The following AIM2 variants were observed in gnomAD, a reference collection of about 807,000 sequenced individuals.
AIM2 encodes interferon-inducible protein AIM2.
A neutral mutation model predicts 27.7 loss-of-function variants in AIM2; 30 were observed. The observed-to-expected ratio is 1.08, with a 90% confidence interval of 0.81 to 1.47. The LOEUF is 1.47. Ranked by LOEUF, AIM2 falls within the 40% of genes most tolerant of loss-of-function variation. AIM2 has a pLI of 0.00. For synonymous variants in AIM2, 141 were observed against 145.3 expected (o/e 0.97, Z 0.21); for missense variants, 358 against 411.3 (o/e 0.87, Z 1.12).
chr1:159,124,265 CT>C (rs1446411060), intron 1 of AIM2, among the ~76,000 whole-genome samples: 1 of 152,142 alleles, frequency 6.6e-6, no homozygotes, highest in Non-Finnish European at 1.5e-5. Flanking sequence ...CCTTGGCAAA[CT>C]ACAAGCAAAA....
Position 159,066,112 on chromosome 1 carries a change from C to T in AIM2, c.614G>A (p.Arg205Lys). 1 of 1,614,162 alleles carries T rather than the reference C, an allele frequency of 6.2e-7. No individual in the cohort carries two copies. The change falls in exon 4 of 6, where the codon AGA (arginine) becomes AAA (lysine). Residue 205 changes from arginine to lysine, a missense_variant. Arg to Lys is a conservative substitution (Grantham distance 26). Coordinates refer to ENST00000368130, the MANE Select transcript of AIM2 (RefSeq NM_004833.3). ...ATAATATCTTGCTATTATAATTATT[C>T]TCTTTGGAATGAATTTATCTTTCAG... is the stretch of plus-strand genomic sequence containing the variant. ...TLLKDKFIPKRIIIIARYYRH... is the reference protein window; with the variant it reads ...TLLKDKFIPKKIIIIARYYRH...
intron 4 of AIM2, 121 bp downstream of exon 4, chr1:159,065,789 T>C: frequency 1.8e-6 from 2 of 1,107,676 alleles, no homozygotes; most frequent in East Asian, 2.7e-5. Context: ...CTTTAGAACT[T>C]TGTATTTTTT....
At chr1:159,121,546 C>T (rs751516061) in intron 1 of AIM2, among the ~76,000 whole-genome samples, 7 of 152,100 alleles carry the variant, frequency 4.6e-5, no homozygotes, top group Non-Finnish European at 1.0e-4. Flanking sequence ...TCTACTTCAA[C>T]ACCTGCGCTC....
At chr1:159,142,904 T>C (rs1648139600), upstream of AIM2, among the ~76,000 whole-genome samples, 1 of 152,122 alleles carries the variant, frequency 6.6e-6, no homozygotes, top group African/African-American at 2.4e-5. Flanking sequence ...ATTTAAAGAC[T>C]GATTGTGTTC....
intron 1 of AIM2, among the ~76,000 whole-genome samples, chr1:159,136,431 T>TTAG (rs1648010478): frequency 6.6e-6 from 1 of 152,196 alleles, no homozygotes; most frequent in African/African-American, 2.4e-5. Flanking sequence ...GGACTTAGAC[T>TTAG]TAGTGCATGT....
rs55915998 is a variant in AIM2 at position 159,111,831 on chromosome 1, C to CATCTATCT, written c.-16+28592_-16+28599dup. On this transcript the variant is annotated intron_variant, in intron 1 of 2. Transcript: ENST00000368129. ...AAAAAAAAACTATCTATCTATCTAT[C>CATCTATCT]ATCTATCTATCTATCTATCTATCTA... Among the ~76,000 whole-genome samples, 641 of 137,648 alleles carry CATCTATCT rather than the reference C, an allele frequency of 4.7e-3. 2 individuals are homozygous for CATCTATCT. The highest frequency in any genetic ancestry group is 0.011 in the South Asian group (46 of 4,270). 90.3% of individuals were successfully genotyped at this position (137,648 alleles called of 152,430 possible).
At chr1:159,131,274 T>A (rs970436059) in intron 1 of AIM2, among the ~76,000 whole-genome samples, 1 of 152,202 alleles carries the variant, frequency 6.6e-6, no homozygotes, top group East Asian at 1.9e-4. Context: ...GCTATTTTCC[T>A]TGGGGAATGA....
chr1:159,126,580 C>A (rs907467113), intron 1 of AIM2, among the ~76,000 whole-genome samples: 1 of 142,272 alleles, frequency 7.0e-6, no homozygotes, highest in Non-Finnish European at 1.5e-5. Flanking sequence ...ACCTGGGAGG[C>A]GAAGCTTGCA....
Position 159,091,768 on chromosome 1 carries a change from C to A in AIM2, c.-15-25439G>T, listed in dbSNP as rs76429258. On this transcript the variant is annotated intron_variant, in intron 1 of 2. Coordinates refer to the AIM2 transcript ENST00000368129. ...GTGTGTGTGTTCACTGACACACCAG[C>A]AATTGCCAAAGCAAAAATGGTGGCT... Among the ~76,000 whole-genome samples, 1,480 of 152,258 alleles carry A rather than the reference C, an allele frequency of 9.7e-3. 27 individuals are homozygous for A. The highest frequency in any genetic ancestry group is 0.034 in the African/African-American group (1,405 of 41,550).
intron 1 of AIM2, among the ~76,000 whole-genome samples, chr1:159,075,574 C>CATATAT (rs397862232): frequency 2.7e-5 from 3 of 109,224 alleles, no homozygotes; most frequent in South Asian, 2.9e-4. Flanking sequence ...CACACACACA[C>CATATAT]ATATATATAT....
intron 1 of AIM2, among the ~76,000 whole-genome samples, chr1:159,130,187 C>T (rs1281510163): frequency 6.6e-6 from 1 of 152,220 alleles, no homozygotes; most frequent in Admixed American, 6.5e-5. Context: ...CTCGCTTCTA[C>T]CTCCTCTGAT....
intron 3 of AIM2, among the ~76,000 whole-genome samples, chr1:159,067,453 T>C (rs900988360): frequency 3.3e-5 from 5 of 152,118 alleles, no homozygotes; most frequent in African/African-American, 1.2e-4. Context: ...CTGAAGGGTG[T>C]CTCTGATGTG....
intron 3 of AIM2, among the ~76,000 whole-genome samples, chr1:159,068,242 C>A (rs1302062159): frequency 6.6e-6 from 1 of 152,190 alleles, no homozygotes; most frequent in Non-Finnish European, 1.5e-5. Context: ...TCTCCTTTCA[C>A]TTCCTCACAG....
At chr1:159,081,731 A>G (rs1656780649), upstream of AIM2, 1 of 210,646 alleles carries the variant, frequency 4.7e-6, no homozygotes, top group Non-Finnish European at 9.9e-6. Flanking sequence ...GTCTAAAAGG[A>G]CAATTAAGTT....
intron 1 of AIM2, among the ~76,000 whole-genome samples, chr1:159,109,558 G>A (rs1028387831): frequency 6.6e-6 from 1 of 152,014 alleles, no homozygotes; most frequent in Admixed American, 6.6e-5. Context: ...AGATCAATAG[G>A]TGGGATTTAA....
chr1:159,065,406 A>C (rs891947483), intron 4 of AIM2, among the ~76,000 whole-genome samples: 2 of 152,002 alleles, frequency 1.3e-5, no homozygotes, highest in Non-Finnish European at 2.9e-5. Context: ...TTGACATTAA[A>C]GTTTACTTTT....
chr1:159,102,048 C>T (rs1278074449), intron 1 of AIM2, among the ~76,000 whole-genome samples: 1 of 152,196 alleles, frequency 6.6e-6, no homozygotes, highest in Non-Finnish European at 1.5e-5. Context: ...CCATCACAGC[C>T]TCAGTGGCCT....
chr1:159,123,976 T>G (rs540219589), intron 1 of AIM2, among the ~76,000 whole-genome samples: 2 of 152,358 alleles, frequency 1.3e-5, no homozygotes, highest in Non-Finnish European at 2.9e-5. Context: ...CTGCCTCATT[T>G]ACTCCACTTT....
At chr1:159,072,082 C>T (rs904730344) in intron 2 of AIM2, among the ~76,000 whole-genome samples, 5 of 152,154 alleles carry the variant, frequency 3.3e-5, no homozygotes, top group African/African-American at 7.2e-5. Context: ...CTATGTTTGC[C>T]AATATGCCTA....
Sources: gnomAD v4.1 joint callset for allele counts (sites outside exome capture counted in the v4.1 genomes callset) on GRCh38, gnomAD v4.1.1 for gene constraint, MANE v1.5 for transcripts, NCBI Gene and HGNC (gene_info 2026-07-23, HGNC 2026-07-21) for gene names.